PALM: variants seen among roughly 807,000 people sequenced by gnomAD.
The protein encoded by PALM is paralemmin, also known as paralemmin-1.
A neutral mutation model predicts 30.7 loss-of-function variants in PALM; 18 were observed. The observed-to-expected ratio is 0.59, with a 90% CI of 0.41 to 0.87. The LOEUF (loss-of-function observed/expected upper bound fraction) is 0.87. Among genes scored for constraint, PALM ranks in the 40% least tolerant of loss-of-function variants. The pLI, the probability that PALM is intolerant of heterozygous loss-of-function variation, is 0.00. For synonymous variants in PALM, 286 were observed against 242.8 expected (o/e 1.18, Z -1.66); for missense variants, 529 against 555.4 (o/e 0.95, Z 0.48).
chr19:717,310 G>A (rs1055138396), intron 1 of PALM, among the ~76,000 whole-genome samples: 4 of 151,524 alleles, frequency 2.6e-5, no homozygotes, highest in East Asian at 3.9e-4. Context: ...ATCCCCTCCC[G>A]TCCCCCTCCC....
intron 7 of PALM, among the ~76,000 whole-genome samples, chr19:736,373 C>A (rs1031216785): frequency 2.0e-5 from 3 of 152,188 alleles, no homozygotes; most frequent in African/African-American, 4.8e-5. Flanking sequence ...ACCCTAATCT[C>A]ACGGCTCCCT....
chr19:727,454 C>A, intron 3 of PALM, 110 bp from the exon 4 acceptor site: 1 of 846,760 alleles, frequency 1.2e-6, no homozygotes, highest in Non-Finnish European at 1.9e-6. Context: ...CTGACCCCAA[C>A]CTTGGTCCTG....
At chr19:711,268 G>A in intron 1 of PALM, 1 of 765,886 alleles carries the variant, frequency 1.3e-6, no homozygotes, top group Non-Finnish European at 1.6e-6. Context: ...GCTCTGGGAG[G>A]GTTTGTGTGG....
intron 7 of PALM, 113 bp downstream of exon 7, chr19:736,191 T>G: frequency 2.7e-6 from 2 of 742,972 alleles, no homozygotes; most frequent in African/African-American, 1.8e-5. Flanking sequence ...CCGCAGCGTC[T>G]GACGGGGCCG....
rs1314832085 is a variant in PALM, at chr19:710,763, C to T, written c.5+1612C>T. Among the ~76,000 whole-genome samples, 5 of 152,094 alleles carry T rather than the reference C, an allele frequency of 3.3e-5. No individual in the cohort carries two copies. In the East Asian group the frequency reaches 9.6e-4, roughly 29 times the overall value. On this transcript the variant is annotated intron_variant, in intron 1 of 8. Transcript: ENST00000338448. ...TGGGTCAGAGGGTGGCCCACAGGTC[C>T]CCCATTGGGTCATCATTGCTTTTGG...
In PALM at chr19:747,094, C is replaced by T. The variant is rs1181645068; in HGVS notation, c.*280C>T. ...CCCGAGACAAGGACCCCCCATGTCACGGCAGCTTCACAGACGCGGCTCGCG... is the reference window on the plus strand; with the variant it reads ...CCCGAGACAAGGACCCCCCATGTCATGGCAGCTTCACAGACGCGGCTCGCG... On this transcript the variant is annotated 3_prime_UTR_variant, in exon 9 of 9. Coordinates refer to ENST00000338448, the MANE Select transcript of PALM (RefSeq NM_002579.3). The T allele has an allele frequency of 2.1e-5, 8 of 386,966 alleles. No individual in the cohort carries two copies. The highest frequency in any genetic ancestry group is 3.7e-5 in the Non-Finnish European group (8 of 213,984). The allele number at this position is 386,966 out of a possible 1,614,324, so 24.0% of individuals were successfully genotyped here. A position where few individuals can be genotyped will look rare whatever the true frequency, so the allele number is the denominator to read the frequency against.
chr19:726,965 G>GGGGGGGGCC, intron 2 of PALM, 43 bp from the exon 3 acceptor site: 1 of 1,037,616 alleles, frequency 9.6e-7, no homozygotes, highest in Non-Finnish European at 1.4e-6. Context: ...GGGTCTCCGG[G>GGGGGGGGCC]ACCCCCACGC....
chr19:711,498 C>T (rs1247895785), intron 1 of PALM, among the ~76,000 whole-genome samples: 1 of 152,194 alleles, frequency 6.6e-6, no homozygotes, highest in African/African-American at 2.4e-5. Flanking sequence ...CCGTTGGGTG[C>T]TAACTGGGTC....
chr19:709,509 G>A lies in PALM; in HGVS notation c.5+358G>A, dbSNP rs904309183. ...CTCTCGGCCACCTGTGGGTGGCCCC[G>A]GGGAGATGGAGCGACCCCTCCCCAG... On this transcript the variant is annotated intron_variant, in intron 1 of 8. Transcript: ENST00000338448. The surrounding 1 kb of genome is among the most constrained non-coding windows in gnomAD (Gnocchi z 4.3). Among the ~76,000 whole-genome samples, 48 of 152,008 alleles carry A rather than the reference G, an allele frequency of 3.2e-4. No homozygotes were observed. The highest frequency in any genetic ancestry group is 6.9e-4 in the Non-Finnish European group (47 of 67,954).
intron 5 of PALM, among the ~76,000 whole-genome samples, chr19:732,414 G>GC (rs1280254075): frequency 6.6e-6 from 1 of 152,234 alleles, no homozygotes; most frequent in Non-Finnish European, 1.5e-5. Context: ...CAGACCCTTG[G>GC]CCGGGCTTAG....
At chr19:720,157 C>CG (rs945076693) in intron 1 of PALM, among the ~76,000 whole-genome samples, 3 of 151,948 alleles carry the variant, frequency 2.0e-5, no homozygotes, top group African/African-American at 7.2e-5. Context: ...CTCGGCCCCC[C>CG]CCAATCCCCC....
Position 709,780 on chromosome 19 carries a change from C to T in PALM, c.5+629C>T, listed in dbSNP as rs1412826675. ...AGAAGGGAGAGGAACCGGCGTTTTC[C>T]AGCGGGGCGCCTGGGTGGGATACCC... On this transcript the variant is annotated intron_variant, in intron 1 of 8. Coordinates refer to ENST00000338448, the MANE Select transcript of PALM (RefSeq NM_002579.3). This position sits in a 1 kb window ranked among gnomAD's most constrained non-coding sequence, Gnocchi z 4.3. Among the ~76,000 whole-genome samples, 1 of 152,136 alleles carries T rather than the reference C, an allele frequency of 6.6e-6. No individual in the cohort carries two copies. Among genetic ancestry groups the T allele is most frequent in the Non-Finnish European group, 1.5e-5 (1 of 68,010 alleles).
Position 746,566 on chromosome 19 carries a change from C to G in PALM, c.916C>G (p.Gln306Glu). The change falls in exon 9 of 9, where the codon CAG (glutamine) becomes GAG (glutamate). Residue 306 changes from glutamine (Q) to glutamate (E), a missense_variant. Gln to Glu is a conservative substitution (Grantham distance 29). Transcript: ENST00000338448. The surrounding 1 kb of genome is among the most constrained non-coding windows in gnomAD (Gnocchi z 7.1). Reference sequence around the variant, plus strand: ...GGTCACAATGATCTTCATGGGTTACCAGAACGTGGAGGATGAGGCCGAGAC... The same window carrying G: ...GGTCACAATGATCTTCATGGGTTACGAGAACGTGGAGGATGAGGCCGAGAC... ...PPVTMIFMGY[Q>E]NVEDEAETKK... The G allele has an allele frequency of 6.2e-7, 1 of 1,613,474 alleles. No homozygotes were observed. Among genetic ancestry groups the G allele is most frequent in the East Asian group, 2.2e-5 (1 of 44,864 alleles).
chr19:710,662 A>G (rs867654933), intron 1 of PALM, among the ~76,000 whole-genome samples: 5 of 70,452 alleles, frequency 7.1e-5, no homozygotes, highest in African/African-American at 2.8e-4. Flanking sequence ...CCCCCCCCCC[A>G]CCCCCCCTCC....
At chr19:728,288 G>C (rs1039165753) in intron 4 of PALM, among the ~76,000 whole-genome samples, 1 of 152,222 alleles carries the variant, frequency 6.6e-6, no homozygotes, top group African/African-American at 2.4e-5. Context: ...GGGGCAGCAG[G>C]GTCAGGGTGG....
rs138560586 is a variant in PALM, at chr19:736,295, C to T, written c.502+217C>T. On this transcript the variant is annotated intron_variant, in intron 7 of 8. Transcript: ENST00000338448. ...GTTGCCCTGGTCCCACGCCGGCCCA[C>T]GCTTCCCCGAGAAGACGGGCCCCAC... 5.0e-3 allele frequency among the ~76,000 whole-genome samples: 759 copies of T among 152,266 alleles called. 6 individuals are homozygous for T. Among genetic ancestry groups the T allele is most frequent in the African/African-American group, 0.017 (716 of 41,544 alleles).
intron 7 of PALM, among the ~76,000 whole-genome samples, chr19:738,116 C>T (rs553892225): frequency 6.6e-6 from 1 of 152,218 alleles, no homozygotes; most frequent in African/African-American, 2.4e-5. Flanking sequence ...ACTGGCCAGG[C>T]ACGGTGGCTC....
chr19:744,491 G>A (rs1599170763), intron 8 of PALM, among the ~76,000 whole-genome samples: 1 of 152,004 alleles, frequency 6.6e-6, no homozygotes, highest in Non-Finnish European at 1.5e-5. Flanking sequence ...AGCCTTTAGG[G>A]AAGCTCCTAG....
chr19:744,406 A>AAT (rs983301825), intron 8 of PALM, among the ~76,000 whole-genome samples: 15 of 151,666 alleles, frequency 9.9e-5, no homozygotes, highest in Non-Finnish European at 1.9e-4. Flanking sequence ...TCTCAAAAAA[A>AAT]AAAAAAAATA....
Sources: gnomAD v4.1 joint callset for allele counts (sites outside exome capture counted in the v4.1 genomes callset) on GRCh38, gnomAD v4.1.1 for gene constraint, Gnocchi (gnomAD v3.1) non-coding constraint, MANE v1.5 for transcripts, NCBI Gene and HGNC (gene_info 2026-07-23, HGNC 2026-07-21) for gene names.